Variants in LARGE1 observed in about 807,000 individuals in gnomAD.
The protein encoded by LARGE1 is xylosyl- and glucuronyltransferase LARGE1.
In LARGE1, 43 loss-of-function variants were observed where a neutral mutation model predicts 87.6. The observed-to-expected ratio is 0.49, with a 90% confidence interval of 0.38 to 0.63. LARGE1 has a LOEUF of 0.63. Ranked by LOEUF, LARGE1 falls within the 30% of genes least tolerant of loss-of-function variation. The pLI, the probability that LARGE1 is intolerant of heterozygous loss-of-function variation, is 0.00. For missense variants in LARGE1, 802 were observed against 1,000.2 expected (o/e 0.80, Z 2.67); for synonymous variants, 434 against 394.6 (o/e 1.10, Z -1.18).
chr22:33,200,042 T>C (rs1924299293), intron 11 of LARGE1, among the ~76,000 whole-genome samples: 1 of 151,928 alleles, frequency 6.6e-6, no homozygotes, highest in Non-Finnish European at 1.5e-5. Context: ...AGAGATGGGG[T>C]TTCACCATCT....
chr22:33,331,201 A>G (rs1464342994), intron 10 of LARGE1, among the ~76,000 whole-genome samples: 2 of 152,042 alleles, frequency 1.3e-5, no homozygotes, highest in Non-Finnish European at 2.9e-5. Context: ...GGTGTCATGT[A>G]CCCATTTCTC....
intron 7 of LARGE1, among the ~76,000 whole-genome samples, chr22:33,385,527 C>CA (rs75780176): frequency 0.055 from 1,069 of 19,388 alleles, 231 homozygotes; most frequent in Non-Finnish European, 0.077. Flanking sequence ...GACACCGTCT[C>CA]AAAAAAAAAA....
In LARGE1 at chr22:33,782,497, T is replaced by C. The variant is rs541526400; in HGVS notation, c.-82-20939A>G. On this transcript the variant is annotated intron_variant, in intron 1 of 14. Coordinates refer to ENST00000397394, the MANE Select transcript of LARGE1 (RefSeq NM_133642.5). ...ATTTTAAACACACATTTAAATGTGT[T>C]GTTGTTTTACATCAGTGACACGAGA... Among the ~76,000 whole-genome samples the C allele has an allele frequency of 2.1e-3, 322 of 152,318 alleles. 2 individuals carry two copies. Among genetic ancestry groups the C allele is most frequent in the Non-Finnish European group, 3.9e-3 (267 of 68,028 alleles).
chr22:33,513,167 C>G (rs570581131), intron 6 of LARGE1, among the ~76,000 whole-genome samples: 119 of 152,204 alleles, frequency 7.8e-4, no homozygotes, highest in South Asian at 3.5e-3. Flanking sequence ...AAGAAAGGCA[C>G]CGCGGGAGAA....
chr22:33,395,120 T>A (rs369285601), intron 7 of LARGE1, among the ~76,000 whole-genome samples: 1 of 148,780 alleles, frequency 6.7e-6, no homozygotes, highest in African/African-American at 2.5e-5. Flanking sequence ...TCCCAGCTAT[T>A]TGGGAGGCTG....
chr22:33,094,479 A>G, the LARGE1 span, among the ~76,000 whole-genome samples: 1 of 152,182 alleles, frequency 6.6e-6, no homozygotes, highest in South Asian at 2.1e-4. Flanking sequence ...CCTTAGCTAC[A>G]GCCTTTCAAA....
chr22:33,104,890 TC>T, the LARGE1 span, among the ~76,000 whole-genome samples: 2 of 5,702 alleles, frequency 3.5e-4, no homozygotes, highest in East Asian at 2.0e-3. Flanking sequence ...ACTTTCTCTC[TC>T]TTTCTTTCTT....
At chr22:33,905,997 G>A (rs1174361404) in intron 1 of LARGE1, among the ~76,000 whole-genome samples, 1 of 152,122 alleles carries the variant, frequency 6.6e-6, no homozygotes, top group Non-Finnish European at 1.5e-5. Context: ...AGACGTGGTG[G>A]CAGGCGCCTG....
intron 7 of LARGE1, among the ~76,000 whole-genome samples, chr22:33,394,700 AGCGT>A (rs1308485118): frequency 4.6e-5 from 6 of 129,552 alleles, no homozygotes; most frequent in African/African-American, 2.0e-4. Context: ...ACCTCCTGGG[AGCGT>A]GTGTGTGTGT....
intron 5 of LARGE1, among the ~76,000 whole-genome samples, chr22:33,596,068 T>C (rs1352890862): frequency 6.6e-6 from 1 of 152,210 alleles, no homozygotes; most frequent in African/African-American, 2.4e-5. Flanking sequence ...TAGAATATTA[T>C]AGAAGAAAGT....
At chr22:33,161,524 T>C (rs1362137257), downstream of LARGE1, among the ~76,000 whole-genome samples, 2 of 152,064 alleles carry the variant, frequency 1.3e-5, no homozygotes, top group Non-Finnish European at 2.9e-5. Context: ...CTAGATACAA[T>C]AGGGGTACAA....
chr22:33,280,045 A>T (rs1227446774), intron 13 of LARGE1, among the ~76,000 whole-genome samples: 1 of 152,226 alleles, frequency 6.6e-6, no homozygotes, highest in African/African-American at 2.4e-5. Flanking sequence ...GTGAGAAAAT[A>T]TAAAGAGTCT....
intron 6 of LARGE1, among the ~76,000 whole-genome samples, chr22:33,522,941 G>A (rs1359465275): frequency 6.6e-6 from 1 of 152,106 alleles, no homozygotes; most frequent in African/African-American, 2.4e-5. Flanking sequence ...CCGGGAGGTA[G>A]AGGCTGCGGT....
intron 11 of LARGE1, among the ~76,000 whole-genome samples, chr22:33,201,279 G>T (rs138771108): frequency 0.03 from 4,584 of 151,920 alleles, 95 homozygotes; most frequent in Admixed American, 0.056. Context: ...TTGCACTCCA[G>T]TCTGGGCAAC....
At chr22:33,486,141 GCTAA>G (rs944769008) in intron 6 of LARGE1, among the ~76,000 whole-genome samples, 3 of 152,256 alleles carry the variant, frequency 2.0e-5, no homozygotes, top group African/African-American at 7.2e-5. Flanking sequence ...CAGCTCTGCT[GCTAA>G]CTCTCTGGGT....
intron 6 of LARGE1, among the ~76,000 whole-genome samples, chr22:33,518,290 C>G (rs1180968097): frequency 6.6e-6 from 1 of 152,178 alleles, no homozygotes; most frequent in Non-Finnish European, 1.5e-5. Context: ...AATCAACAGC[C>G]CAAGGTCACA....
chr22:33,541,701 A>T (rs911982947), intron 6 of LARGE1, among the ~76,000 whole-genome samples: 5 of 151,446 alleles, frequency 3.3e-5, no homozygotes, highest in African/African-American at 1.2e-4. Flanking sequence ...GTCTGGAGTC[A>T]TCGTCTTACT....
At chr22:33,502,113 T>A (rs2070469414) in intron 6 of LARGE1, among the ~76,000 whole-genome samples, 1 of 151,660 alleles carries the variant, frequency 6.6e-6, no homozygotes, top group African/African-American at 2.4e-5. Context: ...GGAGAATCCC[T>A]TGAACCCAGG....
chr22:33,382,109 T>G (rs1255418321), intron 8 of LARGE1, 65 bp from the exon 9 acceptor site: 3 of 1,605,078 alleles, frequency 1.9e-6, no homozygotes, highest in African/African-American at 1.3e-5. Context: ...ATTTTGGCTC[T>G]CAAGGCACTG....
Sources: allele counts gnomAD v4.1 joint callset (sites outside exome capture counted in the v4.1 genomes callset), GRCh38; gene constraint gnomAD v4.1.1; transcripts MANE v1.5; gene names NCBI Gene and HGNC (gene_info 2026-07-23, HGNC 2026-07-21).